The following ZC3H12C variants were observed in gnomAD, a reference collection of about 807,000 sequenced individuals.
ZC3H12C encodes zinc finger CCCH-type containing 12C, also known as probable ribonuclease ZC3H12C.
In ZC3H12C, 20 loss-of-function variants were observed where a neutral mutation model predicts 76.3. That is an observed-to-expected ratio of 0.26 (90% CI 0.18 to 0.38). The LOEUF is 0.38. Ranked by LOEUF, ZC3H12C falls within the 10% of genes least tolerant of loss-of-function variation. The pLI, the probability that ZC3H12C is intolerant of heterozygous loss-of-function variation, is 1.00. For missense variants in ZC3H12C, 874 were observed against 1,086.5 expected (o/e 0.80, Z 2.75); for synonymous variants, 352 against 399.6 (o/e 0.88, Z 1.42).
intron 1 of ZC3H12C, among the ~76,000 whole-genome samples, chr11:110,105,038 C>G (rs188972997): frequency 6.6e-6 from 1 of 152,026 alleles, no homozygotes; most frequent in Non-Finnish European, 1.5e-5. Flanking sequence ...AGTTTTTGTT[C>G]TTTGTTCTTA....
At chr11:110,136,592 T>C in intron 1 of ZC3H12C, 71 bp from the exon 2 acceptor site, 1 of 1,506,234 alleles carries the variant, frequency 6.6e-7, no homozygotes, top group Non-Finnish European at 9.0e-7. Context: ...GTAATTCTCT[T>C]CTGACTTCTC....
intron 2 of ZC3H12C, among the ~76,000 whole-genome samples, chr11:110,140,802 G>T (rs555751116): frequency 6.6e-6 from 1 of 152,160 alleles, no homozygotes; most frequent in Non-Finnish European, 1.5e-5. Context: ...ATCCATGCTC[G>T]TATTTTCTCT....
chr11:110,149,370 C>T (rs1862228650), intron 2 of ZC3H12C, among the ~76,000 whole-genome samples: 1 of 152,150 alleles, frequency 6.6e-6, no homozygotes, highest in African/African-American at 2.4e-5. Flanking sequence ...AGGCAGTTGC[C>T]AATTGTATTG....
At chr11:110,135,798 A>C (rs1208305667) in intron 1 of ZC3H12C, 1 of 152,134 alleles carries the variant, frequency 6.6e-6, no homozygotes, top group Non-Finnish European at 1.5e-5. Context: ...AACATTATCT[A>C]ATATGCCTAA....
At chr11:110,140,901 G>A (rs1470425270) in intron 2 of ZC3H12C, among the ~76,000 whole-genome samples, 2 of 152,192 alleles carry the variant, frequency 1.3e-5, no homozygotes, top group Non-Finnish European at 2.9e-5. Context: ...TCACTCTATA[G>A]GGAAATGTAG....
intron 2 of ZC3H12C, among the ~76,000 whole-genome samples, chr11:110,145,008 A>G (rs1013964512): frequency 2.0e-5 from 3 of 152,206 alleles, no homozygotes; most frequent in African/African-American, 7.2e-5. Context: ...GATATGGCAG[A>G]TCTAAAAGTG....
chr11:110,149,392 G>A (rs774173645), intron 2 of ZC3H12C, among the ~76,000 whole-genome samples: 19 of 152,148 alleles, frequency 1.2e-4, no homozygotes, highest in Non-Finnish European at 2.5e-4. Context: ...ATCTAATTTC[G>A]AGTTCCTGTG....
Position 110,164,158 on chromosome 11 carries a change from C to T in ZC3H12C, c.1256-183C>T, listed in dbSNP as rs1358053500. Reference sequence around the variant, plus strand: ...CTCATTCGGCCAACTTCCTCCTGTTCTTGATAGTAAAGAAATGAGAAGACT... The same window carrying T: ...CTCATTCGGCCAACTTCCTCCTGTTTTTGATAGTAAAGAAATGAGAAGACT... On this transcript the variant is annotated intron_variant, in intron 5 of 5. Coordinates refer to ENST00000278590, the MANE Select transcript of ZC3H12C (RefSeq NM_033390.2). This position sits in a 1 kb window ranked among gnomAD's most constrained non-coding sequence, Gnocchi z 5.7. Among the ~76,000 whole-genome samples, 1 of 151,576 alleles carries T rather than the reference C, an allele frequency of 6.6e-6. No homozygotes were observed. The highest frequency in any genetic ancestry group is 1.5e-5 in the Non-Finnish European group (1 of 67,976).
At chr11:110,144,960 C>G (rs1862136368) in intron 2 of ZC3H12C, among the ~76,000 whole-genome samples, 1 of 151,974 alleles carries the variant, frequency 6.6e-6, no homozygotes, top group African/African-American at 2.4e-5. Flanking sequence ...GTATATATAC[C>G]TAAAGAAAAC....
chr11:110,139,869 C>CTTTTTTTTTT (rs58867910), intron 2 of ZC3H12C, among the ~76,000 whole-genome samples: 3 of 131,520 alleles, frequency 2.3e-5, no homozygotes, highest in African/African-American at 2.8e-5. Flanking sequence ...CATATATTTT[C>CTTTTTTTTTT]TTTTTTTTTT....
In ZC3H12C at chr11:110,168,239, G is replaced by A. The variant is rs1164400428; in HGVS notation, c.*2502G>A. 2 of 152,056 alleles carry A rather than the reference G, an allele frequency of 1.3e-5. No homozygotes were observed. Among genetic ancestry groups the A allele is most frequent in the Non-Finnish European group, 2.9e-5 (2 of 67,990 alleles). The allele number at this position is 152,056 out of a possible 1,614,324, so 9.4% of individuals were successfully genotyped here. A position where few individuals can be genotyped will look rare whatever the true frequency, so the allele number is the denominator to read the frequency against. ...CACCTCTACTGAAGTGAGTAGCTCT[G>A]AACTACCCACACTAAATCCTTCAGT... is the stretch of plus-strand genomic sequence containing the variant. On this transcript the variant is annotated 3_prime_UTR_variant, in exon 6 of 6. Coordinates refer to ENST00000278590, the MANE Select transcript of ZC3H12C (RefSeq NM_033390.2).
chr11:110,161,168 T>C (rs1211117959), intron 4 of ZC3H12C, among the ~76,000 whole-genome samples: 1 of 152,206 alleles, frequency 6.6e-6, no homozygotes, highest in Non-Finnish European at 1.5e-5. Context: ...TTATCGAGTA[T>C]TATGCGCAGT....
intron 1 of ZC3H12C, among the ~76,000 whole-genome samples, chr11:110,123,382 C>T (rs542056797): frequency 6.6e-6 from 1 of 152,248 alleles, no homozygotes; most frequent in East Asian, 1.9e-4. Flanking sequence ...GGAAACTAAT[C>T]CCTGGAAAAT....
At chr11:110,108,827 A>T (rs1861378495) in intron 1 of ZC3H12C, among the ~76,000 whole-genome samples, 1 of 152,194 alleles carries the variant, frequency 6.6e-6, no homozygotes, top group African/African-American at 2.4e-5. Flanking sequence ...CTAAGTCTAA[A>T]TGTTACTACC....
chr11:110,151,863 C>T (rs1862276476), intron 2 of ZC3H12C, among the ~76,000 whole-genome samples: 1 of 151,980 alleles, frequency 6.6e-6, no homozygotes, highest in African/African-American at 2.4e-5. Context: ...CAGTCTATTT[C>T]TGTTTTTTAC....
At chr11:110,144,361 C>A (rs1325275824) in intron 2 of ZC3H12C, among the ~76,000 whole-genome samples, 3 of 152,154 alleles carry the variant, frequency 2.0e-5, no homozygotes, top group African/African-American at 7.2e-5. Context: ...ATTCAGTTCT[C>A]ACAACGCTAT....
At chr11:110,163,969 G>A (rs950743962) in intron 5 of ZC3H12C, among the ~76,000 whole-genome samples, 2 of 151,982 alleles carry the variant, frequency 1.3e-5, no homozygotes, top group African/African-American at 4.8e-5. Context: ...GCTTGGTAGC[G>A]CACGCCTGTG....
chr11:110,102,327 A>G (rs1441318870), intron 1 of ZC3H12C, among the ~76,000 whole-genome samples: 1 of 150,862 alleles, frequency 6.6e-6, no homozygotes, highest in African/African-American at 2.4e-5. Flanking sequence ...AGGAATTTGG[A>G]AGAAGTTGAC....
intron 1 of ZC3H12C, among the ~76,000 whole-genome samples, chr11:110,113,353 A>G (rs934004001): frequency 1.3e-5 from 2 of 152,226 alleles, no homozygotes; most frequent in African/African-American, 2.4e-5. Context: ...GTTTCCCTAC[A>G]TATTACAGTT....
Sources: allele counts gnomAD v4.1 joint callset (sites outside exome capture counted in the v4.1 genomes callset), GRCh38; gene constraint gnomAD v4.1.1; non-coding constraint Gnocchi (gnomAD v3.1); transcripts MANE v1.5; gene names NCBI Gene and HGNC (gene_info 2026-07-23, HGNC 2026-07-21).